Variants in FOXP1 observed in about 807,000 individuals in gnomAD.
FOXP1 encodes forkhead box P1.
FOXP1 carries 15 observed loss-of-function variants against 98.2 expected under a neutral mutation model. The ratio of observed to expected loss-of-function variants is 0.15; its 90% confidence interval spans 0.10 to 0.24. FOXP1 has a LOEUF of 0.24. Among genes scored for constraint, FOXP1 ranks in the 10% least tolerant of loss-of-function variants. FOXP1 has a pLI of 1.00. For missense variants in FOXP1, 633 were observed against 848.5 expected, an observed-to-expected ratio of 0.75 and a Z score of 3.15; for synonymous variants, 371 against 314.5, an observed-to-expected ratio of 1.18 and a Z score of -1.90.
At chr3:71,357,177 A>G (rs919912124) in intron 4 of FOXP1, among the ~76,000 whole-genome samples, 1 of 152,068 alleles carries the variant, frequency 6.6e-6, no homozygotes, top group African/African-American at 2.4e-5. Context: ...CGTGCCACTA[A>G]GACCTCATGC....
intron 19 of FOXP1, chr3:70,970,028 G>C (rs894445552): frequency 3.3e-5 from 5 of 152,494 alleles, no homozygotes; most frequent in African/African-American, 9.6e-5. Flanking sequence ...TTTGCTAGAA[G>C]CTGGGCTGCC....
chr3:71,380,357 G>A (rs1279788973), intron 3 of FOXP1, among the ~76,000 whole-genome samples: 1 of 152,146 alleles, frequency 6.6e-6, no homozygotes, highest in African/African-American at 2.4e-5. Context: ...TCTGGCAACT[G>A]GGAAGGCAGT....
intron 7 of FOXP1, among the ~76,000 whole-genome samples, chr3:71,068,886 C>T (rs557507646): frequency 6.6e-6 from 1 of 152,296 alleles, no homozygotes; most frequent in Admixed American, 6.5e-5. Flanking sequence ...AATGGGGCAG[C>T]CAATTAGAGT....
At chr3:71,581,370 G>C (rs1325228436) in intron 2 of FOXP1, 179 bp downstream of exon 2, 4 of 985,288 alleles carry the variant, frequency 4.1e-6, no homozygotes, top group Admixed American at 6.1e-5. Context: ...GGGTGGAGGG[G>C]AGGAAGTCCA....
At chr3:71,441,653 G>C (rs1577532696) in intron 3 of FOXP1, among the ~76,000 whole-genome samples, 1 of 152,186 alleles carries the variant, frequency 6.6e-6, no homozygotes, top group Admixed American at 6.5e-5. Context: ...TTTTAAATCA[G>C]TCCTAAAGAC....
At chr3:71,328,990 C>CAAA (rs56332143) in intron 4 of FOXP1, among the ~76,000 whole-genome samples, 1 of 59,026 alleles carries the variant, frequency 1.7e-5, no homozygotes, top group Non-Finnish European at 3.6e-5. Context: ...AAAAAAAAAA[C>CAAA]AAAAAAAAAA....
intron 2 of FOXP1, among the ~76,000 whole-genome samples, chr3:71,567,486 T>C (rs1228911821): frequency 6.6e-6 from 1 of 152,146 alleles, no homozygotes; most frequent in South Asian, 2.1e-4. Flanking sequence ...TCCAGAATGA[T>C]CTAATTATCT....
At chr3:71,241,232 C>CA (rs1427527230) in intron 5 of FOXP1, among the ~76,000 whole-genome samples, 40 of 140,226 alleles carry the variant, frequency 2.9e-4, no homozygotes, top group African/African-American at 9.4e-4. Context: ...CAAAACAAAA[C>CA]AAAAAAACAA....
intron 6 of FOXP1, among the ~76,000 whole-genome samples, chr3:71,180,077 C>T (rs892201412): frequency 1.3e-5 from 2 of 152,108 alleles, no homozygotes; most frequent in African/African-American, 4.8e-5. Context: ...GCCATAGTCT[C>T]TCTGCCAATA....
chr3:71,110,291 T>TA (rs913234509), intron 7 of FOXP1, among the ~76,000 whole-genome samples: 4 of 152,048 alleles, frequency 2.6e-5, no homozygotes, highest in African/African-American at 9.7e-5. Context: ...AATTCTACCA[T>TA]AAAAAAAATC....
At chr3:70,970,499 A>ATATT (rs1421802784) in intron 19 of FOXP1, 1 of 528,110 alleles carries the variant, frequency 1.9e-6, no homozygotes, top group Non-Finnish European at 3.4e-6. Flanking sequence ...CTGCTGATAA[A>ATATT]TATTAATAAG....
In FOXP1 at chr3:70,966,056, C is replaced by T. The variant is rs1433228108; in HGVS notation, c.1723G>A (p.Ala575Thr). ...YCTPLNAALQ[A>T]SMAENSIPLY... The stretch of plus-strand genomic sequence containing the variant: ...GGTATACTATTCTCAGCCATTGAAG[C>T]CTGTCATCAACCAAGAGAAAATTTA... The change falls in exon 20 of 21, where the codon GCT becomes ACT. Residue 575 changes from alanine to threonine, a missense_variant and splice_region_variant. Transcript: ENST00000649528. 6.2e-7 allele frequency: 1 copy of T among 1,614,014 alleles called. No individual in the cohort carries two copies. The highest frequency in any genetic ancestry group is 8.5e-7 in the Non-Finnish European group (1 of 1,179,890).
intron 11 of FOXP1, among the ~76,000 whole-genome samples, chr3:71,020,333 G>A (rs887313011): frequency 2.6e-5 from 4 of 152,038 alleles, no homozygotes; most frequent in Non-Finnish European, 4.4e-5. Context: ...CAGTTAAGTA[G>A]GATATTTTGT....
chr3:71,336,392 C>T (rs2076682970), intron 4 of FOXP1, among the ~76,000 whole-genome samples: 2 of 152,172 alleles, frequency 1.3e-5, no homozygotes, highest in Non-Finnish European at 1.5e-5. Context: ...GCCCCACATG[C>T]ATTAGGTATT....
chr3:71,579,663 G>A (rs1449558797), intron 2 of FOXP1, among the ~76,000 whole-genome samples: 2 of 115,670 alleles, frequency 1.7e-5, no homozygotes, highest in Non-Finnish European at 3.3e-5. Flanking sequence ...CTTCACATCA[G>A]ATTTAAACTC....
intron 7 of FOXP1, among the ~76,000 whole-genome samples, chr3:71,094,012 G>A (rs2056185103): frequency 6.6e-6 from 1 of 152,050 alleles, no homozygotes; most frequent in Non-Finnish European, 1.5e-5. Flanking sequence ...AATTCAGTAA[G>A]TTTCTAGATG....
chr3:71,088,395 T>G (rs1055862512), intron 7 of FOXP1, among the ~76,000 whole-genome samples: 2 of 128,438 alleles, frequency 1.6e-5, no homozygotes, highest in Admixed American at 7.6e-5. Context: ...ATTGTTTTGT[T>G]TTTTGTTTTT....
chr3:71,415,544 A>G (rs1165002503), intron 3 of FOXP1, among the ~76,000 whole-genome samples: 1 of 152,188 alleles, frequency 6.6e-6, no homozygotes, highest in Non-Finnish European at 1.5e-5. Context: ...GGTTTCACAG[A>G]GAAGGACACT....
intron 4 of FOXP1, among the ~76,000 whole-genome samples, chr3:71,339,209 C>T (rs1010357740): frequency 3.3e-5 from 5 of 152,246 alleles, no homozygotes; most frequent in African/African-American, 1.2e-4. Context: ...ATGCCGCACA[C>T]GGCTAAATTT....
Sources: gnomAD v4.1 joint callset for allele counts (sites outside exome capture counted in the v4.1 genomes callset) on GRCh38, gnomAD v4.1.1 for gene constraint, MANE v1.5 for transcripts, NCBI Gene and HGNC (gene_info 2026-07-23, HGNC 2026-07-21) for gene names.